ZNF143: variants seen among roughly 807,000 people sequenced by gnomAD.
ZNF143 encodes the protein zinc finger protein 143, also known as SPH-binding factor.
In ZNF143, 49 loss-of-function variants were observed where a neutral mutation model predicts 74.1. The ratio of observed to expected loss-of-function variants is 0.66; its 90% CI spans 0.53 to 0.84. The LOEUF (loss-of-function observed/expected upper bound fraction) is 0.84, where lower values mean the gene tolerates loss of function less well. Ranked by LOEUF, ZNF143 falls within the 40% of genes least tolerant of loss-of-function variation. The pLI, the probability that ZNF143 is intolerant of heterozygous loss-of-function variation, is 0.00. For missense variants in ZNF143, 637 were observed against 793.4 expected (o/e 0.80, Z 2.37); for synonymous variants, 304 against 282.8 (o/e 1.07, Z -0.75).
chr11:9,503,243 A>T (rs200263675), intron 11 of ZNF143, among the ~76,000 whole-genome samples: 5 of 72,440 alleles, frequency 6.9e-5, no homozygotes, highest in Non-Finnish European at 1.4e-4. Context: ...TTTATTCACC[A>T]GTTGTTTTCA....
chr11:9,479,482 ATGGAAG>A lies in ZNF143; in HGVS notation c.584_589del (p.Gly195_Ser196del). 6.2e-7 allele frequency: 1 copy of A among 1,612,860 alleles called. No homozygotes were observed. The highest frequency in any genetic ancestry group is 8.5e-7 in the Non-Finnish European group (1 of 1,179,552). ...ATTTTATTCCTATAGGTGTCCATTG[ATGGAAG>A]TGAAAGTGTAGCAGGTACTGGAATG... On this transcript the variant is annotated inframe_deletion, in exon 7 of 16. Coordinates refer to ENST00000396602, the MANE Select transcript of ZNF143 (RefSeq NM_003442.6).
At position 9,501,216 on chromosome 11, in the gene ZNF143, G is replaced by A; in HGVS notation, c.1093G>A (p.Gly365Arg). The A allele has an allele frequency of 1.2e-6, 2 of 1,614,200 alleles. No individual in the cohort carries two copies. The highest frequency in any genetic ancestry group is 1.7e-6 in the Non-Finnish European group (2 of 1,180,036). The change falls in exon 11 of 16, where the codon GGG becomes AGG. Residue 365 changes from glycine (G) to arginine (R), a missense_variant. By Grantham distance (125) the Gly-to-Arg change is moderately radical. Transcript: ENST00000396602. ...RPYYCTEPGC[G>R]RAFASATNYK... is the part of the protein sequence containing the mutation. Reference sequence around the variant, plus strand: ...TTATTACTGCACAGAGCCAGGATGTGGGAGGGCATTTGCCAGTGCAACAAA... The same window carrying A: ...TTATTACTGCACAGAGCCAGGATGTAGGAGGGCATTTGCCAGTGCAACAAA...
chr11:9,497,668 CT>C lies in ZNF143; in HGVS notation c.842-5del. 6.3e-7 allele frequency: 1 copy of C among 1,580,598 alleles called. No individual in the cohort carries two copies. The highest frequency in any genetic ancestry group is 8.6e-7 in the Non-Finnish European group (1 of 1,161,434). ...GTAATTAAATTTCTTTTAATTTTTT[CT>C]TAAAGGTTATGGATTAAAAAGTCAC... On this transcript the variant is annotated splice_region_variant and splice_polypyrimidine_tract_variant and intron_variant, in intron 9 of 15. Coordinates refer to ENST00000396602, the MANE Select transcript of ZNF143 (RefSeq NM_003442.6).
chr11:9,517,910 A>T (rs1405353831), intron 14 of ZNF143, among the ~76,000 whole-genome samples: 1 of 152,216 alleles, frequency 6.6e-6, no homozygotes, highest in East Asian at 1.9e-4. Context: ...AATTCTGCTC[A>T]CCAAAAGACA....
intron 5 of ZNF143, among the ~76,000 whole-genome samples, chr11:9,477,981 G>A (rs537112740): frequency 8.0e-4 from 121 of 152,092 alleles, no homozygotes; most frequent in Non-Finnish European, 1.0e-4. Flanking sequence ...GCGTGCCACC[G>A]TGCCCTGCTA....
chr11:9,517,629 G>A (rs190766368), intron 14 of ZNF143, among the ~76,000 whole-genome samples: 38 of 152,034 alleles, frequency 2.5e-4, no homozygotes, highest in Non-Finnish European at 4.0e-4. Flanking sequence ...TGTATTTTTC[G>A]TAGTTTTAAT....
At chr11:9,511,785 T>G (rs59432040) in intron 12 of ZNF143, among the ~76,000 whole-genome samples, 2,534 of 144,066 alleles carry the variant, frequency 0.018, 63 homozygotes, top group African/African-American at 0.061. Flanking sequence ...GGAGTCTTGC[T>G]CTGTCGCCCA....
At chr11:9,524,919 A>G (rs1368851793) in intron 14 of ZNF143, among the ~76,000 whole-genome samples, 1 of 152,230 alleles carries the variant, frequency 6.6e-6, no homozygotes, top group Non-Finnish European at 1.5e-5. Flanking sequence ...ATTAGTCCAC[A>G]TACATAACTT....
In ZNF143 at chr11:9,504,261, AGC is replaced by A. The variant is rs1565054575; in HGVS notation, c.1147+2992_1147+2993del. On this transcript the variant is annotated intron_variant, in intron 11 of 15. Transcript: ENST00000396602. ...GGTTTGAGCCACCACACCTGGCCAAAGCATCTTTTTATGTATTTATTAGCCAT... is the reference window on the plus strand; with the variant it reads ...GGTTTGAGCCACCACACCTGGCCAAAATCTTTTTATGTATTTATTAGCCAT... 1.8e-3 allele frequency among the ~76,000 whole-genome samples: 235 copies of A among 129,802 alleles called. 2 individuals carry two copies. The highest frequency in any genetic ancestry group is 8.5e-3 in the Middle Eastern group (2 of 236). 85.2% of individuals were successfully genotyped at this position (129,802 alleles called of 152,430 possible).
intron 8 of ZNF143, among the ~76,000 whole-genome samples, chr11:9,495,305 G>A (rs1303911880): frequency 6.6e-6 from 1 of 152,190 alleles, no homozygotes; most frequent in Non-Finnish European, 1.5e-5. Context: ...GCCGGGCGCA[G>A]TGGCAGGTGC....
intron 9 of ZNF143, among the ~76,000 whole-genome samples, chr11:9,496,682 C>T (rs147062297): frequency 3.3e-5 from 5 of 151,834 alleles, no homozygotes; most frequent in East Asian, 1.9e-4. Flanking sequence ...CTGCAACCTC[C>T]GCCTCCCAGG....
At chr11:9,502,749 G>GC (rs1435768965) in intron 11 of ZNF143, among the ~76,000 whole-genome samples, 3 of 150,774 alleles carry the variant, frequency 2.0e-5, no homozygotes, top group African/African-American at 4.9e-5. Context: ...TCCCCACCCC[G>GC]CCCCCCAGGT....
intron 14 of ZNF143, among the ~76,000 whole-genome samples, chr11:9,520,859 T>C (rs1406475777): frequency 6.6e-6 from 1 of 152,266 alleles, no homozygotes; most frequent in Admixed American, 6.5e-5. Context: ...TTTTAAAGTT[T>C]TAGCCATTCT....
intron 2 of ZNF143, among the ~76,000 whole-genome samples, chr11:9,472,377 C>G (rs138028348): frequency 0.05 from 7,673 of 152,238 alleles, 263 homozygotes; most frequent in South Asian, 0.076. Context: ...CTCAGCCTCC[C>G]AAGTAGCTGG....
Position 9,478,502 on chromosome 11 carries a change from T to C in ZNF143, c.486T>C (p.Ala162=), listed in dbSNP as rs773529303. 2.4e-5 allele frequency: 38 copies of C among 1,614,092 alleles called. No homozygotes were observed. The highest frequency in any genetic ancestry group is 3.1e-5 in the Non-Finnish European group (37 of 1,180,052). Residue 162 remains alanine, a synonymous_variant, in exon 6 of 16, where the codon GCT becomes GCC. Coordinates refer to ENST00000396602, the MANE Select transcript of ZNF143 (RefSeq NM_003442.6). ...PQSDTILAIQ[A]DGTVAGLHTG... The stretch of plus-strand genomic sequence containing the variant: ...CTGACACCATCTTGGCAATTCAGGC[T>C]GATGGGACAGTGGCAGGTCTGCACA...
At chr11:9,497,216 A>G (rs72854105) in intron 9 of ZNF143, among the ~76,000 whole-genome samples, 7,815 of 152,290 alleles carry the variant, frequency 0.051, 266 homozygotes, top group Non-Finnish European at 0.076. Flanking sequence ...GTCCCGAGCT[A>G]TGATACTTTT....
chr11:9,471,264 T>G, intron 1 of ZNF143, 38 bp from the exon 2 acceptor site: 4 of 1,495,010 alleles, frequency 2.7e-6, no homozygotes, highest in Non-Finnish European at 3.7e-6. Context: ...TTCACATGTA[T>G]CATTCTTTGT....
chr11:9,486,414 T>TATATATATTATATATTATATATATA lies in ZNF143; in HGVS notation c.645+6874_645+6875insATTATATATTATATATATAATATAT, dbSNP rs1491546428. ...TATATATAATATATTATATATATAA[T>TATATATATTATATATTATATATATA]ATATATTATATATATTATATATATA... On this transcript the variant is annotated intron_variant, in intron 7 of 15. Transcript: ENST00000396602. Among the ~76,000 whole-genome samples the TATATATATTATATATTATATATATA allele has an allele frequency of 2.8e-3, 68 of 24,034 alleles. 4 individuals carry two copies. Among genetic ancestry groups the TATATATATTATATATTATATATATA allele is most frequent in the Admixed American group, 7.6e-3 (10 of 1,324 alleles). The allele number at this position is 24,034 out of a possible 152,430, so 15.8% of individuals were successfully genotyped here.
intron 7 of ZNF143, among the ~76,000 whole-genome samples, chr11:9,486,430 T>A (rs112948875): frequency 1.7e-3 from 65 of 38,066 alleles, no homozygotes; most frequent in Non-Finnish European, 2.3e-3. Flanking sequence ...TTATATATAT[T>A]ATATATATAA....
Sources: allele counts gnomAD v4.1 joint callset (sites outside exome capture counted in the v4.1 genomes callset), GRCh38; gene constraint gnomAD v4.1.1; transcripts MANE v1.5; gene names NCBI Gene and HGNC (gene_info 2026-07-23, HGNC 2026-07-21).